Variants in CSMD3 observed in about 807,000 individuals in gnomAD.
CSMD3 encodes CUB and sushi domain-containing protein 3.
In CSMD3, 177 loss-of-function variants were observed where a neutral mutation model predicts 435.2. The ratio of observed to expected loss-of-function variants is 0.41; its 90% confidence interval spans 0.36 to 0.46. The LOEUF (loss-of-function observed/expected upper bound fraction) is 0.46. Ranked by LOEUF, CSMD3 falls within the 20% of genes least tolerant of loss-of-function variation. The pLI is 0.34. For synonymous variants in CSMD3, 1,656 were observed against 1,520.5 expected, an observed-to-expected ratio of 1.09 and a Z score of -2.07; for missense variants, 4,265 against 4,504.6, an observed-to-expected ratio of 0.95 and a Z score of 1.52.
At chr8:112,415,239 G>T (rs1209343566) in intron 32 of CSMD3, among the ~76,000 whole-genome samples, 3 of 152,164 alleles carry the variant, frequency 2.0e-5, no homozygotes, top group African/African-American at 2.4e-5. Context: ...CTCAGGACAT[G>T]GTGCCCTGCA....
At chr8:112,403,556 G>A (rs192812620) in intron 35 of CSMD3, among the ~76,000 whole-genome samples, 1 of 152,232 alleles carries the variant, frequency 6.6e-6, no homozygotes, top group Non-Finnish European at 1.5e-5. Context: ...AGTGTTTGGT[G>A]AGGGCTTGCT....
rs868585715 is a variant in CSMD3 at position 113,088,424 on chromosome 8, G to A, written c.917+10332C>T. On this transcript the variant is annotated intron_variant, in intron 5 of 70. Transcript: ENST00000297405. ...ACACATGCACACGTATGTTTATTGTGGCACTATTCACAATAGCAAAGACTT... is the reference window on the plus strand; with the variant it reads ...ACACATGCACACGTATGTTTATTGTAGCACTATTCACAATAGCAAAGACTT... 7.6e-3 allele frequency among the ~76,000 whole-genome samples: 1,113 copies of A among 145,658 alleles called. 24 individuals are homozygous for A. Among genetic ancestry groups the A allele is most frequent in the African/African-American group, 0.027 (1,046 of 38,538 alleles).
intron 1 of CSMD3, among the ~76,000 whole-genome samples, chr8:113,375,514 TACAC>T (rs3221516): frequency 4.0e-4 from 28 of 69,294 alleles, no homozygotes; most frequent in Admixed American, 1.0e-3. Context: ...GACTATTTAA[TACAC>T]ACACACACAC....
chr8:113,421,997 TC>T (rs2094611211), intron 1 of CSMD3, among the ~76,000 whole-genome samples: 1 of 152,096 alleles, frequency 6.6e-6, no homozygotes, highest in South Asian at 2.1e-4. Flanking sequence ...TGCTACCACC[TC>T]CCCAAGAGCT....
intron 12 of CSMD3, among the ~76,000 whole-genome samples, chr8:112,826,693 C>T (rs953968958): frequency 1.3e-5 from 2 of 152,132 alleles, no homozygotes; most frequent in African/African-American, 4.8e-5. Context: ...TCTCGATTGC[C>T]AGTGCAGGAT....
intron 21 of CSMD3, among the ~76,000 whole-genome samples, chr8:112,637,432 A>G (rs889360541): frequency 1.3e-5 from 2 of 152,176 alleles, no homozygotes; most frequent in African/African-American, 4.8e-5. Flanking sequence ...TTTAAATGAT[A>G]AAGGCCCTTC....
chr8:113,189,858 C>T (rs1341338600), intron 3 of CSMD3, among the ~76,000 whole-genome samples: 1 of 151,670 alleles, frequency 6.6e-6, no homozygotes, highest in Non-Finnish European at 1.5e-5. Flanking sequence ...TTTTTGCAAT[C>T]ATGTTTTGTT....
chr8:113,422,426 CTT>C (rs2094613157), intron 1 of CSMD3, among the ~76,000 whole-genome samples: 1 of 152,140 alleles, frequency 6.6e-6, no homozygotes, highest in Admixed American at 6.6e-5. Context: ...TTGATTCAAA[CTT>C]GACCTCATTT....
At chr8:112,922,128 T>C (rs1432951490) in intron 9 of CSMD3, among the ~76,000 whole-genome samples, 1 of 152,108 alleles carries the variant, frequency 6.6e-6, no homozygotes, top group African/African-American at 2.4e-5. Flanking sequence ...TGTGTATGCA[T>C]TTACACATGC....
At chr8:113,253,608 G>C in intron 3 of CSMD3, among the ~76,000 whole-genome samples, 1 of 152,022 alleles carries the variant, frequency 6.6e-6, no homozygotes, top group East Asian at 1.9e-4. Context: ...TTGGTAGGCC[G>C]AGGCGGGCAG....
chr8:112,929,800 A>G (rs531231363), intron 9 of CSMD3, among the ~76,000 whole-genome samples: 2 of 152,222 alleles, frequency 1.3e-5, no homozygotes, highest in South Asian at 4.1e-4. Context: ...CAGAAAAATT[A>G]CAATATACAT....
chr8:112,651,338 A>G (rs925926610), intron 18 of CSMD3, among the ~76,000 whole-genome samples: 1 of 152,204 alleles, frequency 6.6e-6, no homozygotes, highest in Non-Finnish European at 1.5e-5. Flanking sequence ...GCTAAACAAA[A>G]TGGTACAAAA....
Position 113,315,999 on chromosome 8 carries a change from G to A in CSMD3, c.179-1206C>T, listed in dbSNP as rs574744072. ...TTCCCGAAGTGCTGAGATTACAGGC[G>A]TGAGCCACCATGCCTGGCCTCTTCA... On this transcript the variant is annotated intron_variant, in intron 1 of 70. Transcript: ENST00000297405. Among the ~76,000 whole-genome samples, 14 of 152,176 alleles carry A rather than the reference G, an allele frequency of 9.2e-5. No homozygotes were observed. In the South Asian group the frequency reaches 2.3e-3, roughly 25 times the overall value.
chr8:113,281,006 G>C (rs2132471802), intron 2 of CSMD3, among the ~76,000 whole-genome samples: 1 of 151,940 alleles, frequency 6.6e-6, no homozygotes, highest in Non-Finnish European at 1.5e-5. Flanking sequence ...TCATTCCACT[G>C]TGGTCTAAGA....
intron 22 of CSMD3, among the ~76,000 whole-genome samples, chr8:112,600,013 G>GTA (rs1366193929): frequency 2.0e-5 from 3 of 149,922 alleles, no homozygotes; most frequent in Non-Finnish European, 3.0e-5. Flanking sequence ...AAAACTTAAA[G>GTA]TATATATATA....
intron 9 of CSMD3, among the ~76,000 whole-genome samples, chr8:112,942,358 T>C (rs2083477035): frequency 6.6e-6 from 1 of 151,666 alleles, no homozygotes; most frequent in Admixed American, 6.6e-5. Flanking sequence ...AATACCATTA[T>C]TGCGTATATA....
intron 6 of CSMD3, among the ~76,000 whole-genome samples, chr8:112,993,172 C>G (rs1398477694): frequency 6.6e-6 from 1 of 151,628 alleles, no homozygotes; most frequent in African/African-American, 2.4e-5. Flanking sequence ...AACCAATGTT[C>G]CAAATAAATA....
intron 1 of CSMD3, among the ~76,000 whole-genome samples, chr8:113,354,651 T>C (rs1274599751): frequency 6.6e-6 from 1 of 152,166 alleles, no homozygotes; most frequent in Non-Finnish European, 1.5e-5. Context: ...TTTGTTTGTT[T>C]TTTCTTGAAA....
chr8:112,906,132 GA>G (rs1474992474), intron 10 of CSMD3, among the ~76,000 whole-genome samples: 1 of 151,304 alleles, frequency 6.6e-6, no homozygotes, highest in African/African-American at 2.4e-5. Context: ...CTGTGAGAAA[GA>G]AACATTTCTT....
Sources: allele counts gnomAD v4.1 joint callset (sites outside exome capture counted in the v4.1 genomes callset), GRCh38; gene constraint gnomAD v4.1.1; transcripts MANE v1.5; gene names NCBI Gene and HGNC (gene_info 2026-07-23, HGNC 2026-07-21).